HS6ST3: variants seen among roughly 807,000 people sequenced by gnomAD.
The protein encoded by HS6ST3 is heparan-sulfate 6-O-sulfotransferase 3.
In HS6ST3, 12 loss-of-function variants were observed where a neutral mutation model predicts 36.7. That is an observed-to-expected ratio of 0.33 (90% CI 0.21 to 0.53). The LOEUF (loss-of-function observed/expected upper bound fraction) is 0.53, where lower values mean the gene tolerates loss of function less well. HS6ST3 is among the 20% of genes least tolerant of loss of function. HS6ST3 has a pLI of 0.95. For missense variants in HS6ST3, 584 were observed against 640.9 expected (o/e 0.91, Z 0.96); for synonymous variants, 240 against 257.5 (o/e 0.93, Z 0.65).
At chr13:96,777,908 A>G (rs1299377822) in intron 1 of HS6ST3, among the ~76,000 whole-genome samples, 1 of 152,204 alleles carries the variant, frequency 6.6e-6, no homozygotes, top group Non-Finnish European at 1.5e-5. Flanking sequence ...GCATCATGCT[A>G]CCTGACTTCA....
At chr13:96,501,226 G>A (rs958452832) in intron 1 of HS6ST3, among the ~76,000 whole-genome samples, 1 of 152,102 alleles carries the variant, frequency 6.6e-6, no homozygotes, top group African/African-American at 2.4e-5. Context: ...GGAACCTAAT[G>A]GTCTGTTTGC....
chr13:96,524,991 G>A (rs1315054429), intron 1 of HS6ST3, among the ~76,000 whole-genome samples: 1 of 152,196 alleles, frequency 6.6e-6, no homozygotes, highest in Non-Finnish European at 1.5e-5. Context: ...CATCTTGGAA[G>A]TGACTCCCTA....
At chr13:96,367,079 G>T (rs1422955217) in intron 1 of HS6ST3, among the ~76,000 whole-genome samples, 2 of 152,122 alleles carry the variant, frequency 1.3e-5, no homozygotes, top group Non-Finnish European at 2.9e-5. Context: ...TTATCAGCAT[G>T]AGAACAGACT....
chr13:96,306,411 A>G (rs1380732026), intron 1 of HS6ST3, among the ~76,000 whole-genome samples: 1 of 152,014 alleles, frequency 6.6e-6, no homozygotes, highest in East Asian at 1.9e-4. Flanking sequence ...GGGTTTCATC[A>G]TGTTAGCCAG....
At chr13:96,621,699 G>A (rs184360017) in intron 1 of HS6ST3, among the ~76,000 whole-genome samples, 1 of 152,094 alleles carries the variant, frequency 6.6e-6, no homozygotes, top group Admixed American at 6.5e-5. Context: ...CTCTCTATAT[G>A]ACTTTCTTTA....
intron 1 of HS6ST3, among the ~76,000 whole-genome samples, chr13:96,509,236 G>A (rs760130565): frequency 2.0e-5 from 3 of 151,994 alleles, no homozygotes; most frequent in Non-Finnish European, 4.4e-5. Flanking sequence ...TGAGTTCCTT[G>A]TAGATTCTGG....
In HS6ST3 at chr13:96,091,350, G is replaced by C; in HGVS notation, c.488G>C (p.Arg163Pro). The change falls in exon 1 of 2, where the codon CGG (arginine) becomes CCG (proline). Residue 163 changes from arginine (R) to proline (P), a missense_variant. Arg to Pro is a moderately radical substitution (Grantham distance 103, BLOSUM62 -2). This residue lies in a region of HS6ST3 where 360 missense variants were observed against 411.3 expected (regional missense o/e 0.88). Coordinates refer to ENST00000376705, the MANE Select transcript of HS6ST3 (RefSeq NM_153456.4). Reference protein sequence around the residue: ...IQKTGGTTFGRHLVKNIRLEQ... With the variant: ...IQKTGGTTFGPHLVKNIRLEQ... ...AAGACGGGGGGCACCACTTTCGGCC[G>C]GCACCTGGTGAAGAACATCCGGCTG... is the stretch of plus-strand genomic sequence containing the variant. 1.2e-6 allele frequency: 2 copies of C among 1,614,072 alleles called. No homozygotes were observed. The highest frequency in any genetic ancestry group is 1.1e-5 in the South Asian group (1 of 91,062).
intron 1 of HS6ST3, among the ~76,000 whole-genome samples, chr13:96,640,373 A>G (rs1361005638): frequency 1.3e-5 from 2 of 151,942 alleles, no homozygotes; most frequent in Non-Finnish European, 2.9e-5. Context: ...TCTTTTGAGA[A>G]GTGTTTGCTC....
intron 1 of HS6ST3, among the ~76,000 whole-genome samples, chr13:96,771,313 C>A (rs1877258543): frequency 6.6e-6 from 1 of 151,146 alleles, no homozygotes; most frequent in Non-Finnish European, 1.5e-5. Context: ...GGAGATATAC[C>A]TAATGTAAAT....
At chr13:96,754,177 CT>C (rs1876768830) in intron 1 of HS6ST3, among the ~76,000 whole-genome samples, 1 of 152,068 alleles carries the variant, frequency 6.6e-6, no homozygotes, top group Non-Finnish European at 1.5e-5. Flanking sequence ...AAAACATCCC[CT>C]TTTTATTTCT....
At chr13:96,720,621 ACG>A (rs1043460754) in intron 1 of HS6ST3, among the ~76,000 whole-genome samples, 4 of 152,206 alleles carry the variant, frequency 2.6e-5, no homozygotes, top group African/African-American at 9.7e-5. Flanking sequence ...GCTCCTGATA[ACG>A]CATTTTGTTG....
At chr13:96,208,734 A>T (rs901611233) in intron 1 of HS6ST3, among the ~76,000 whole-genome samples, 1 of 152,212 alleles carries the variant, frequency 6.6e-6, no homozygotes, top group Non-Finnish European at 1.5e-5. Flanking sequence ...AAATAGTAGC[A>T]GTCCTCTTCT....
chr13:96,438,108 A>G (rs1169255380), intron 1 of HS6ST3, among the ~76,000 whole-genome samples: 1 of 152,232 alleles, frequency 6.6e-6, no homozygotes, highest in African/African-American at 2.4e-5. Context: ...TCACTGCTCT[A>G]AACGTATATA....
intron 1 of HS6ST3, among the ~76,000 whole-genome samples, chr13:96,424,838 A>T (rs759320034): frequency 1.1e-4 from 16 of 152,312 alleles, no homozygotes; most frequent in Non-Finnish European, 2.2e-4. Context: ...AATAAACATA[A>T]TTCATGCTGG....
chr13:96,196,560 A>G lies in HS6ST3; in HGVS notation c.707+104991A>G, dbSNP rs149536639. The stretch of plus-strand genomic sequence containing the variant: ...ATGAGTAACTTCTCAAGGCCATGGG[A>G]CCAGTGAATGCTTTGCTGTGCTTTG... On this transcript the variant is annotated intron_variant, in intron 1 of 1. Transcript: ENST00000376705. Among the ~76,000 whole-genome samples the G allele has an allele frequency of 6.0e-4, 91 of 152,288 alleles. 1 individual carries two copies. The East Asian group carries it at 0.017, about 28-fold the overall frequency.
At chr13:96,285,055 G>T (rs1009388943) in intron 1 of HS6ST3, among the ~76,000 whole-genome samples, 2 of 151,792 alleles carry the variant, frequency 1.3e-5, no homozygotes, top group East Asian at 3.9e-4. Flanking sequence ...AAGATTGAAT[G>T]CATATTTTTA....
chr13:96,307,383 G>A (rs973455914), intron 1 of HS6ST3, among the ~76,000 whole-genome samples: 17 of 152,020 alleles, frequency 1.1e-4, no homozygotes, highest in Admixed American at 1.1e-3. Context: ...ATGGAAAAAA[G>A]AAACTTACAT....
intron 1 of HS6ST3, among the ~76,000 whole-genome samples, chr13:96,184,443 A>G (rs762265678): frequency 9.2e-5 from 14 of 152,142 alleles, no homozygotes; most frequent in Admixed American, 3.9e-4. Flanking sequence ...CTTCCCACAC[A>G]TCCAATCCAT....
chr13:96,209,799 T>C (rs953638761), intron 1 of HS6ST3, among the ~76,000 whole-genome samples: 2 of 152,194 alleles, frequency 1.3e-5, no homozygotes, highest in Non-Finnish European at 2.9e-5. Flanking sequence ...TGTTCAGATG[T>C]TGGCTCCAAT....
Sources: gnomAD v4.1 joint callset for allele counts (sites outside exome capture counted in the v4.1 genomes callset) on GRCh38, gnomAD v4.1.1 for gene constraint, gnomAD v4.1.1 regional missense constraint, MANE v1.5 for transcripts, NCBI Gene and HGNC (gene_info 2026-07-23, HGNC 2026-07-21) for gene names.